The following MTUS2 variants were observed in gnomAD, a reference collection of about 807,000 sequenced individuals.
MTUS2 encodes microtubule associated scaffold protein 2.
In MTUS2, 40 loss-of-function variants were observed where a neutral mutation model predicts 114.1. The ratio of observed to expected loss-of-function variants is 0.35; its 90% CI spans 0.27 to 0.46. The LOEUF (loss-of-function observed/expected upper bound fraction) is 0.46, where lower values mean the gene tolerates loss of function less well. MTUS2 is among the 20% of genes least tolerant of loss of function. The pLI, the probability that MTUS2 is intolerant of heterozygous loss-of-function variation, is 1.00. For synonymous variants in MTUS2, 688 were observed against 672.0 expected (o/e 1.02, Z -0.37); for missense variants, 1,679 against 1,705.4 (o/e 0.98, Z 0.27).
chr13:29,200,521 G>GTTTTTTT (rs56965083), intron 5 of MTUS2, among the ~76,000 whole-genome samples: 18,307 of 84,782 alleles, frequency 0.22, 4,033 homozygotes, highest in African/African-American at 0.39. Flanking sequence ...TTCTTTTTCT[G>GTTTTTTT]TTTTTTTTTT....
chr13:29,427,342 A>C (rs1320916322), intron 8 of MTUS2, among the ~76,000 whole-genome samples: 1 of 152,200 alleles, frequency 6.6e-6, no homozygotes, highest in Non-Finnish European at 1.5e-5. Flanking sequence ...AATGTATATC[A>C]TCTTTCCATA....
At chr13:29,094,056 A>G (rs1890075567) in intron 4 of MTUS2, among the ~76,000 whole-genome samples, 1 of 152,150 alleles carries the variant, frequency 6.6e-6, no homozygotes, top group East Asian at 1.9e-4. Context: ...TAGCATAAAT[A>G]TCACTTGATC....
chr13:29,071,409 A>ATTTTTTTTTTTTTTTTTTTTTTT lies in MTUS2; in HGVS notation c.2447-29352_2447-29330dup, dbSNP rs751020009. Among the ~76,000 whole-genome samples, 15 of 46,142 alleles carry ATTTTTTTTTTTTTTTTTTTTTTT rather than the reference A, an allele frequency of 3.3e-4. 1 individual carries two copies. The highest frequency in any genetic ancestry group is 2.3e-3 in the South Asian group (2 of 852). 30.3% of individuals were successfully genotyped at this position (46,142 alleles called of 152,430 possible). A position where few individuals can be genotyped will look rare whatever the true frequency, so the allele number is the denominator to read the frequency against. On this transcript the variant is annotated intron_variant, in intron 4 of 15. Coordinates refer to ENST00000612955, the MANE Select transcript of MTUS2 (RefSeq NM_001033602.4). ...TTTAAAAGATCTCTATGTTGCTTGAATTTTTTTTTTTTTTTTTTTTTTTTT... is the reference window on the plus strand; with the variant it reads ...TTTAAAAGATCTCTATGTTGCTTGAATTTTTTTTTTTTTTTTTTTTTTTTTTTTTTTTTTTTTTTTTTTTTTTT...
At chr13:28,989,813 T>C (rs887964745) in intron 2 of MTUS2, among the ~76,000 whole-genome samples, 1 of 151,614 alleles carries the variant, frequency 6.6e-6, no homozygotes, top group African/African-American at 2.4e-5. Context: ...TCTCATTCTC[T>C]AACAAGTCAG....
chr13:29,435,365 CA>C (rs780758125), intron 8 of MTUS2, among the ~76,000 whole-genome samples: 1 of 152,194 alleles, frequency 6.6e-6, no homozygotes, highest in Non-Finnish European at 1.5e-5. Flanking sequence ...ATTTTCCACT[CA>C]TCCCCCATTT....
At chr13:28,862,347 A>G (rs1246703508) in intron 2 of MTUS2, among the ~76,000 whole-genome samples, 1 of 152,254 alleles carries the variant, frequency 6.6e-6, no homozygotes, top group Non-Finnish European at 1.5e-5. Context: ...ATGGTGGCTC[A>G]CGCCTTTAAT....
At chr13:29,010,108 G>C (rs1038035768) in intron 2 of MTUS2, among the ~76,000 whole-genome samples, 15 of 151,852 alleles carry the variant, frequency 9.9e-5, no homozygotes, top group Admixed American at 7.2e-4. Flanking sequence ...CTACTCAGGA[G>C]GCTGAGGCAG....
intron 5 of MTUS2, among the ~76,000 whole-genome samples, chr13:29,113,517 A>T (rs1890964067): frequency 6.6e-6 from 1 of 152,208 alleles, no homozygotes; most frequent in South Asian, 2.1e-4. Flanking sequence ...GGTAGCCACT[A>T]GTCACATGGA....
At chr13:29,294,667 A>G (rs961944173) in intron 6 of MTUS2, among the ~76,000 whole-genome samples, 2 of 152,222 alleles carry the variant, frequency 1.3e-5, no homozygotes, top group African/African-American at 4.8e-5. Context: ...CAAGTTTCCA[A>G]AAGTCCTCTC....
intron 1 of MTUS2, among the ~76,000 whole-genome samples, chr13:28,827,769 A>G (rs1401604392): frequency 6.6e-6 from 1 of 152,186 alleles, no homozygotes; most frequent in African/African-American, 2.4e-5. Context: ...AAAACCAGCA[A>G]GTTTTTATTA....
chr13:29,367,942 CT>C (rs545792343), intron 8 of MTUS2, among the ~76,000 whole-genome samples: 55 of 134,554 alleles, frequency 4.1e-4, no homozygotes, highest in Middle Eastern at 3.6e-3. Context: ...GAATCTACTT[CT>C]TTTTTTTTTT....
intron 4 of MTUS2, among the ~76,000 whole-genome samples, chr13:29,081,369 C>T (rs2479787): frequency 0.4 from 61,091 of 151,766 alleles, 12,664 homozygotes; most frequent in African/African-American, 0.48. Flanking sequence ...GTCTAACTGA[C>T]GACTAAAACA....
chr13:29,229,293 G>A (rs1336429917), intron 5 of MTUS2, among the ~76,000 whole-genome samples: 1 of 152,082 alleles, frequency 6.6e-6, no homozygotes, highest in Non-Finnish European at 1.5e-5. Context: ...TGAACCATTA[G>A]TTTCATTGTA....
chr13:29,158,728 AG>A (rs891121823), intron 5 of MTUS2, among the ~76,000 whole-genome samples: 1 of 152,162 alleles, frequency 6.6e-6, no homozygotes, highest in Non-Finnish European at 1.5e-5. Context: ...GATCTGTCCC[AG>A]TGTCTTCACC....
chr13:29,069,782 G>A (rs943951324), intron 4 of MTUS2, among the ~76,000 whole-genome samples: 1 of 152,160 alleles, frequency 6.6e-6, no homozygotes, highest in African/African-American at 2.4e-5. Context: ...GACCTGATTC[G>A]TCTGTAATTG....
intron 5 of MTUS2, among the ~76,000 whole-genome samples, chr13:29,182,081 A>G (rs1352752811): frequency 1.3e-5 from 2 of 152,130 alleles, no homozygotes; most frequent in South Asian, 2.1e-4. Flanking sequence ...CCTGGTGGCT[A>G]CTGTTAGAGA....
chr13:29,067,954 TTG>T (rs1888737413), intron 4 of MTUS2, among the ~76,000 whole-genome samples: 1 of 152,100 alleles, frequency 6.6e-6, no homozygotes, highest in African/African-American at 2.4e-5. Flanking sequence ...AAACAATTAA[TTG>T]ATTGGCATCA....
chr13:28,894,283 G>T (rs1424121838), intron 2 of MTUS2, among the ~76,000 whole-genome samples: 1 of 38,288 alleles, frequency 2.6e-5, no homozygotes, highest in Non-Finnish European at 4.7e-5. Flanking sequence ...AGTTGGTGGG[G>T]GGGGGGGAGA....
rs1325285728 is a variant in MTUS2, at chr13:29,317,532, G to A, written c.2807-7081G>A. Among the ~76,000 whole-genome samples, 6 of 18,820 alleles carry A rather than the reference G, an allele frequency of 3.2e-4. 1 individual carries two copies. In the Admixed American group the frequency reaches 4.3e-3, roughly 13 times the overall value. The allele number at this position is 18,820 out of a possible 152,430, so 12.3% of individuals were successfully genotyped here. A position where few individuals can be genotyped will look rare whatever the true frequency, so the allele number is the denominator to read the frequency against. On this transcript the variant is annotated intron_variant, in intron 6 of 15. Transcript: ENST00000612955. ...CGGCTCACTGCAAGCTCCGCTTCCC[G>A]GGTTCACGCCATTCTCCTGCCTCAG...
Sources: allele counts gnomAD v4.1 joint callset (sites outside exome capture counted in the v4.1 genomes callset), GRCh38; gene constraint gnomAD v4.1.1; transcripts MANE v1.5; gene names NCBI Gene and HGNC (gene_info 2026-07-23, HGNC 2026-07-21).